The following GRIK1 variants were observed in gnomAD, a reference collection of about 807,000 sequenced individuals.
The protein encoded by GRIK1 is glutamate ionotropic receptor kainate type subunit 1, also known as glutamate receptor ionotropic, kainate 1.
In GRIK1, 69 loss-of-function variants were observed where a neutral mutation model predicts 105.7. The ratio of observed to expected loss-of-function variants is 0.65; its 90% CI spans 0.54 to 0.80. The LOEUF is 0.80. Among genes scored for constraint, GRIK1 ranks in the 30% least tolerant of loss-of-function variants. GRIK1 has a pLI of 0.00. For synonymous variants in GRIK1, 438 were observed against 431.3 expected (o/e 1.02, Z -0.19); for missense variants, 1,109 against 1,167.3 (o/e 0.95, Z 0.73).
intron 1 of GRIK1, among the ~76,000 whole-genome samples, chr21:29,819,960 G>A (rs1601778548): frequency 6.6e-6 from 1 of 151,942 alleles, no homozygotes; most frequent in African/African-American, 2.4e-5. Flanking sequence ...GTCTGAAGCA[G>A]AGGCTAGGCG....
intron 1 of GRIK1, among the ~76,000 whole-genome samples, chr21:29,860,301 C>T (rs1291934041): frequency 2.6e-5 from 4 of 152,238 alleles, no homozygotes; most frequent in African/African-American, 9.6e-5. Context: ...GCTGCTGTTA[C>T]TGCCAACCTG....
At chr21:29,587,621 G>T in intron 11 of GRIK1, 32 bp from the exon 12 acceptor site, 2 of 1,329,610 alleles carry the variant, frequency 1.5e-6, no homozygotes, top group Non-Finnish European at 2.2e-6. Flanking sequence ...TGTCAGCTTA[G>T]TCTAGTTTCT....
intron 1 of GRIK1, among the ~76,000 whole-genome samples, chr21:29,867,885 A>AG (rs1491245198): frequency 2.9e-3 from 49 of 16,986 alleles, no homozygotes; most frequent in Admixed American, 4.8e-3. Context: ...AAAGAGAGAG[A>AG]AAGAGAGAGA....
At chr21:29,827,865 T>G (rs1218076889) in intron 1 of GRIK1, among the ~76,000 whole-genome samples, 2 of 152,140 alleles carry the variant, frequency 1.3e-5, no homozygotes, top group Non-Finnish European at 2.9e-5. Flanking sequence ...TCTGCTGGTC[T>G]TGCCAGTGGT....
At chr21:29,592,948 T>G (rs943968327) in intron 9 of GRIK1, among the ~76,000 whole-genome samples, 1 of 152,318 alleles carries the variant, frequency 6.6e-6, no homozygotes, top group South Asian at 2.1e-4. Context: ...GTTCCTCTAA[T>G]GGGAAGACAG....
intron 6 of GRIK1, 68 bp downstream of exon 6, chr21:29,651,050 T>C (rs1376130088): frequency 1.6e-5 from 18 of 1,145,912 alleles, no homozygotes; most frequent in Non-Finnish European, 2.1e-5. Context: ...ATTTTAAAGA[T>C]ACGTGAGATC....
chr21:29,878,290 A>T (rs1056994055), intron 1 of GRIK1, among the ~76,000 whole-genome samples: 1 of 152,120 alleles, frequency 6.6e-6, no homozygotes, highest in Non-Finnish European at 1.5e-5. Context: ...GGTTGAGGTG[A>T]CTCAGAAGGT....
chr21:29,806,275 T>C (rs1418793669), intron 1 of GRIK1, among the ~76,000 whole-genome samples: 4 of 152,144 alleles, frequency 2.6e-5, no homozygotes, highest in African/African-American at 7.2e-5. Context: ...CTTGGTGTAA[T>C]TGGGTGATCC....
intron 7 of GRIK1, among the ~76,000 whole-genome samples, chr21:29,625,326 G>C (rs2062100809): frequency 6.6e-6 from 1 of 152,180 alleles, no homozygotes; most frequent in Non-Finnish European, 1.5e-5. Context: ...CAGAGGTTTT[G>C]TCAGGTGATT....
At chr21:29,825,710 T>A (rs896028843) in intron 1 of GRIK1, among the ~76,000 whole-genome samples, 1 of 152,098 alleles carries the variant, frequency 6.6e-6, no homozygotes, top group Non-Finnish European at 1.5e-5. Flanking sequence ...ACATTATTCT[T>A]AGAGAAAAGG....
intron 1 of GRIK1, among the ~76,000 whole-genome samples, chr21:29,757,227 G>A (rs2065372961): frequency 2.0e-5 from 3 of 152,084 alleles, no homozygotes; most frequent in African/African-American, 7.2e-5. Context: ...CATTTAAAAG[G>A]GGTTGGTGGC....
intron 1 of GRIK1, among the ~76,000 whole-genome samples, chr21:29,894,952 C>T (rs968935810): frequency 6.6e-6 from 1 of 152,198 alleles, no homozygotes; most frequent in South Asian, 2.1e-4. Context: ...TATAAGTAGC[C>T]ATTTAATATG....
rs536207883 is a variant in GRIK1 at position 29,793,793 on chromosome 21, G to A, written c.119-99730C>T. On this transcript the variant is annotated intron_variant, in intron 1 of 17. Coordinates refer to ENST00000327783, the MANE Select transcript of GRIK1 (RefSeq NM_001330994.2). ...AGGCTCAGAAAATTTTGCTTATAGC[G>A]GTGCTCCACAGATTTGCTTTAAAAA... 7.2e-5 allele frequency among the ~76,000 whole-genome samples: 11 copies of A among 152,136 alleles called. No individual in the cohort carries two copies. In the South Asian group the frequency reaches 1.0e-3, roughly 14 times the overall value.
chr21:29,682,770 A>C (rs936472902), intron 3 of GRIK1, among the ~76,000 whole-genome samples: 1 of 152,252 alleles, frequency 6.6e-6, no homozygotes, highest in African/African-American at 2.4e-5. Context: ...ACAAAAACAA[A>C]CATTGACAAG....
At chr21:29,769,087 T>A (rs2065746966) in intron 1 of GRIK1, among the ~76,000 whole-genome samples, 1 of 152,204 alleles carries the variant, frequency 6.6e-6, no homozygotes, top group South Asian at 2.1e-4. Flanking sequence ...GGGCAGAAAC[T>A]GTGCCATTTG....
chr21:29,748,289 G>A (rs986510758), intron 1 of GRIK1: 1 of 152,250 alleles, frequency 6.6e-6, no homozygotes, highest in Non-Finnish European at 1.5e-5. Context: ...CATCAGTAAA[G>A]CCTCACGAGA....
chr21:29,785,172 TTTATAAAAATC>T (rs1275976861), intron 1 of GRIK1, among the ~76,000 whole-genome samples: 1 of 152,212 alleles, frequency 6.6e-6, no homozygotes, highest in Non-Finnish European at 1.5e-5. Context: ...GTATCACCAT[TTTATAAAAATC>T]GTTTTATAAA....
chr21:29,631,226 A>G (rs1358014721), intron 7 of GRIK1, among the ~76,000 whole-genome samples: 1 of 152,172 alleles, frequency 6.6e-6, no homozygotes, highest in African/African-American at 2.4e-5. Flanking sequence ...GTTGTTACAG[A>G]TTGAATAATT....
intron 4 of GRIK1, among the ~76,000 whole-genome samples, chr21:29,660,898 A>C (rs1303784396): frequency 6.6e-6 from 1 of 152,234 alleles, no homozygotes; most frequent in Non-Finnish European, 1.5e-5. Flanking sequence ...TATTTTTGGC[A>C]CAGGAGTCTT....
Sources: allele counts gnomAD v4.1 joint callset (sites outside exome capture counted in the v4.1 genomes callset), GRCh38; gene constraint gnomAD v4.1.1; transcripts MANE v1.5; gene names NCBI Gene and HGNC (gene_info 2026-07-23, HGNC 2026-07-21).